NREP: variants seen among roughly 807,000 people sequenced by gnomAD.
The protein encoded by NREP is neuronal regeneration related protein.
Under a neutral mutation model 8.6 loss-of-function variants are expected in NREP, and 5 were observed. The ratio of observed to expected loss-of-function variants is 0.58; its 90% CI spans 0.30 to 1.22. The LOEUF is 1.22. NREP is among the 50% of genes most tolerant of loss of function. The pLI, the probability that NREP is intolerant of heterozygous loss-of-function variation, is 0.07. For synonymous variants in NREP, 27 were observed against 28.0 expected, an observed-to-expected ratio of 0.96 and a Z score of 0.11; for missense variants, 86 against 82.5, an observed-to-expected ratio of 1.04 and a Z score of -0.17.
At chr5:111,802,214 A>G (rs1245218143) in intron 2 of NREP, among the ~76,000 whole-genome samples, 1 of 152,224 alleles carries the variant, frequency 6.6e-6, no homozygotes, top group Non-Finnish European at 1.5e-5. Flanking sequence ...ATGAAGGAAA[A>G]ATAAGATTTA....
chr5:111,755,764 T>A lies in NREP; in HGVS notation c.3+6A>T, dbSNP rs772964955. The A allele has an allele frequency of 1.1e-4, 173 of 1,613,714 alleles. No homozygotes were observed. Among genetic ancestry groups the A allele is most frequent in the Non-Finnish European group, 1.4e-4 (168 of 1,179,758 alleles). ...CTGAGAATCTCCTCTGATGACCAAG[T>A]CTTACCATTTTGAGAATCTTAGTCT... is the stretch of plus-strand genomic sequence containing the variant. On this transcript the variant is annotated splice_donor_region_variant and intron_variant, in intron 2 of 3. Coordinates refer to ENST00000257435, the MANE Select transcript of NREP (RefSeq NM_004772.4).
At chr5:111,746,771 GA>G (rs1750032943) in intron 2 of NREP, among the ~76,000 whole-genome samples, 1 of 152,106 alleles carries the variant, frequency 6.6e-6, no homozygotes, top group Non-Finnish European at 1.5e-5. Context: ...CAAATCCCCG[GA>G]AGTCTACTCA....
Position 111,902,668 on chromosome 5 carries a change from T to C in NREP, c.135+72606A>G, listed in dbSNP as rs182629576. ...AGCAGTGAACGATGATAACATCTTA[T>C]TACAAGAACGTTTTGAGAAAGTTAG... On this transcript the variant is annotated intron_variant, in intron 2 of 3. Transcript: ENST00000395634. Among the ~76,000 whole-genome samples the C allele has an allele frequency of 2.0e-3, 302 of 152,310 alleles. 2 individuals carry two copies. Among genetic ancestry groups the C allele is most frequent in the African/African-American group, 6.7e-3 (280 of 41,584 alleles).
intron 2 of NREP, among the ~76,000 whole-genome samples, chr5:111,754,029 AGG>A (rs1187863122): frequency 1.3e-5 from 2 of 152,200 alleles, no homozygotes; most frequent in Non-Finnish European, 2.9e-5. Flanking sequence ...GTTTCATTTC[AGG>A]CAATGGGCTT....
At chr5:111,930,783 C>A (rs1313728559) in intron 2 of NREP, among the ~76,000 whole-genome samples, 1 of 152,142 alleles carries the variant, frequency 6.6e-6, no homozygotes, top group African/African-American at 2.4e-5. Context: ...AGTCTCTCTC[C>A]TCTTGCCTGC....
chr5:111,752,265 G>C (rs915779403), intron 2 of NREP, among the ~76,000 whole-genome samples: 32 of 152,144 alleles, frequency 2.1e-4, no homozygotes, highest in African/African-American at 7.2e-4. Flanking sequence ...TTTCCTACCT[G>C]AATTATCTCT....
rs190617279 is a variant in NREP at position 111,878,544 on chromosome 5, A to T, written c.135+96730T>A. On this transcript the variant is annotated intron_variant, in intron 2 of 3. Coordinates refer to the NREP transcript ENST00000395634. ...GACACGTGGGGATTATGGGGATTAC[A>T]ATTCAAGATGAGATTTGGGTGGGGA... Among the ~76,000 whole-genome samples the T allele has an allele frequency of 2.2e-3, 332 of 152,330 alleles. 2 individuals carry two copies. Among genetic ancestry groups the T allele is most frequent in the African/African-American group, 7.6e-3 (314 of 41,584 alleles).
chr5:111,775,166 C>G (rs149923519), intron 2 of NREP, among the ~76,000 whole-genome samples: 1 of 152,004 alleles, frequency 6.6e-6, no homozygotes, highest in Non-Finnish European at 1.5e-5. Flanking sequence ...GCTGGGAGTA[C>G]GGATGCACGC....
intron 2 of NREP, among the ~76,000 whole-genome samples, chr5:111,938,459 G>A (rs962030819): frequency 2.0e-5 from 3 of 152,044 alleles, no homozygotes; most frequent in Non-Finnish European, 4.4e-5. Flanking sequence ...ATCCAGGCAA[G>A]TGAAACTTAA....
chr5:111,753,909 C>T (rs1287225837), intron 2 of NREP, among the ~76,000 whole-genome samples: 4 of 151,574 alleles, frequency 2.6e-5, no homozygotes, highest in Admixed American at 2.6e-4. Flanking sequence ...AAAAGTGAAA[C>T]CTTTTTTTAC....
chr5:111,934,777 C>A (rs1056188056), intron 2 of NREP, among the ~76,000 whole-genome samples: 1 of 152,106 alleles, frequency 6.6e-6, no homozygotes, highest in Non-Finnish European at 1.5e-5. Context: ...GGTGGCTGAG[C>A]AGCCTGGCGG....
chr5:111,961,456 T>C (rs1279863019), intron 2 of NREP, among the ~76,000 whole-genome samples: 1 of 152,230 alleles, frequency 6.6e-6, no homozygotes, highest in Non-Finnish European at 1.5e-5. Context: ...AAATAACATT[T>C]GATGTAAGAC....
chr5:111,925,265 G>GACCT (rs78968048), intron 2 of NREP, among the ~76,000 whole-genome samples: 65,682 of 151,874 alleles, frequency 0.43, 16,493 homozygotes, highest in Non-Finnish European at 0.58. Flanking sequence ...TCTGGACGGA[G>GACCT]ATGTCTCTCC....
At chr5:111,842,786 T>C (rs928724039) in intron 2 of NREP, among the ~76,000 whole-genome samples, 1 of 152,196 alleles carries the variant, frequency 6.6e-6, no homozygotes, top group African/African-American at 2.4e-5. Context: ...AACTTTTGCT[T>C]TTCTGAGAAA....
chr5:111,914,638 C>T (rs1173754744), intron 2 of NREP, among the ~76,000 whole-genome samples: 1 of 152,002 alleles, frequency 6.6e-6, no homozygotes, highest in Non-Finnish European at 1.5e-5. Flanking sequence ...ACTCTCCTGG[C>T]AAAACTGCTG....
At chr5:111,964,976 G>T (rs1756602445) in intron 2 of NREP, among the ~76,000 whole-genome samples, 1 of 148,410 alleles carries the variant, frequency 6.7e-6, no homozygotes, top group African/African-American at 2.5e-5. Context: ...CCAGACGTAA[G>T]GAAAATCTAA....
chr5:111,840,333 A>ACAGCTGT (rs1324234495), intron 2 of NREP, among the ~76,000 whole-genome samples: 1 of 152,080 alleles, frequency 6.6e-6, no homozygotes, highest in African/African-American at 2.4e-5. Flanking sequence ...AAGAACCAAC[A>ACAGCTGT]CAGCTGTCTC....
chr5:111,832,262 A>G (rs1752786969), intron 2 of NREP, among the ~76,000 whole-genome samples: 1 of 152,118 alleles, frequency 6.6e-6, no homozygotes, highest in African/African-American at 2.4e-5. Flanking sequence ...TCAACCCTGT[A>G]ATCCTAGCAC....
At chr5:111,816,004 G>C (rs757109335) in intron 2 of NREP, among the ~76,000 whole-genome samples, 6 of 152,178 alleles carry the variant, frequency 3.9e-5, no homozygotes, top group Non-Finnish European at 8.8e-5. Flanking sequence ...AGGGAGCAAA[G>C]GTAATACAAA....
Sources: allele counts gnomAD v4.1 joint callset (sites outside exome capture counted in the v4.1 genomes callset), GRCh38; gene constraint gnomAD v4.1.1; transcripts MANE v1.5; gene names NCBI Gene and HGNC (gene_info 2026-07-23, HGNC 2026-07-21).